The following ZNF69 variants were observed in gnomAD, a reference collection of about 807,000 sequenced individuals.
The protein encoded by ZNF69 is ZNF3.
ZNF69 carries 47 observed loss-of-function variants against 50.9 expected under a neutral mutation model. The observed-to-expected ratio is 0.92, with a 90% CI of 0.73 to 1.18. The LOEUF (loss-of-function observed/expected upper bound fraction) is 1.18. Ranked by LOEUF, ZNF69 falls within the 50% of genes most tolerant of loss-of-function variation. ZNF69 has a pLI of 0.00. For missense variants in ZNF69, 717 were observed against 675.1 expected (o/e 1.06, Z -0.69); for synonymous variants, 216 against 223.1 (o/e 0.97, Z 0.29).
At chr19:11,918,822 T>A (rs1288673273), downstream of ZNF69, among the ~76,000 whole-genome samples, 1 of 152,196 alleles carries the variant, frequency 6.6e-6, no homozygotes, top group Non-Finnish European at 1.5e-5. Flanking sequence ...TTTAAAATCT[T>A]TAACAACTGC....
chr19:11,925,173 G>C, the ZNF69 span: 1 of 1,609,376 alleles, frequency 6.2e-7, no homozygotes, highest in East Asian at 2.2e-5. Context: ...GGGACCTGGT[G>C]CCTGTACCCA....
chr19:11,928,514 C>T, the ZNF69 span, among the ~76,000 whole-genome samples: 2 of 151,392 alleles, frequency 1.3e-5, no homozygotes, highest in Non-Finnish European at 2.9e-5. Context: ...GGGCGGATCA[C>T]GAGGTCAGGA....
intron 1 of ZNF69, among the ~76,000 whole-genome samples, chr19:11,903,173 G>A (rs894810700): frequency 6.6e-6 from 1 of 151,960 alleles, no homozygotes; most frequent in Non-Finnish European, 1.5e-5. Context: ...GGTGGCTCAC[G>A]CCTGTAATCC....
At chr19:11,922,893 G>T in the ZNF69 span, among the ~76,000 whole-genome samples, 1 of 151,070 alleles carries the variant, frequency 6.6e-6, no homozygotes, top group Non-Finnish European at 1.5e-5. Context: ...GCTCACAGCA[G>T]CCTCAAACTT....
Position 11,900,135 on chromosome 19 carries a change from G to A in ZNF69, c.64-3438G>A, listed in dbSNP as rs536877952. 2.2e-3 allele frequency among the ~76,000 whole-genome samples: 341 copies of A among 152,038 alleles called. 3 individuals are homozygous for A. Among genetic ancestry groups the A allele is most frequent in the African/African-American group, 7.7e-3 (319 of 41,460 alleles). On this transcript the variant is annotated intron_variant, in intron 1 of 3. Transcript: ENST00000429654. ...TGCATGGCTGCTGTTCGTATTATTA[G>A]TAGAGACAGGGTTTCACCATGTTGT...
chr19:11,908,841 C>A (rs1332120836), downstream of ZNF69, among the ~76,000 whole-genome samples: 1 of 151,884 alleles, frequency 6.6e-6, no homozygotes, highest in Non-Finnish European at 1.5e-5. Flanking sequence ...CTGAAGGAGA[C>A]AGAGACAGAA....
the ZNF69 span, among the ~76,000 whole-genome samples, chr19:11,974,979 A>G: frequency 6.6e-6 from 1 of 152,212 alleles, no homozygotes; most frequent in African/African-American, 2.4e-5. Flanking sequence ...TTACATGTAC[A>G]GTTGAGATAG....
At chr19:11,959,314 A>G in the ZNF69 span, among the ~76,000 whole-genome samples, 2 of 152,242 alleles carry the variant, frequency 1.3e-5, no homozygotes, top group Admixed American at 1.3e-4. Flanking sequence ...ATGCCAAGTC[A>G]AAATAATAAC....
the ZNF69 span, among the ~76,000 whole-genome samples, chr19:11,957,467 G>A: frequency 6.6e-6 from 1 of 151,950 alleles, no homozygotes; most frequent in African/African-American, 2.4e-5. Flanking sequence ...AAAGAGTCTA[G>A]GTACTGAACT....
chr19:11,947,976 C>T, the ZNF69 span, among the ~76,000 whole-genome samples: 4 of 152,176 alleles, frequency 2.6e-5, no homozygotes, highest in African/African-American at 9.7e-5. Flanking sequence ...TATCACTGTA[C>T]TCCAGCATGG....
chr19:11,923,454 G>A, the ZNF69 span, among the ~76,000 whole-genome samples: 1 of 152,146 alleles, frequency 6.6e-6, no homozygotes, highest in Non-Finnish European at 1.5e-5. Flanking sequence ...TTCCTGTCCT[G>A]GGAGCCCCCA....
the ZNF69 span, among the ~76,000 whole-genome samples, chr19:11,963,706 C>G: frequency 2.0e-5 from 3 of 152,192 alleles, no homozygotes; most frequent in Admixed American, 2.0e-4. Flanking sequence ...AACCGCCCGA[C>G]TCTCTTCTCC....
At chr19:11,911,474 C>T (rs1002950348), downstream of ZNF69, among the ~76,000 whole-genome samples, 1 of 152,256 alleles carries the variant, frequency 6.6e-6, no homozygotes, top group African/African-American at 2.4e-5. Flanking sequence ...ACATATACAC[C>T]ATGGAATACT....
Position 11,905,204 on chromosome 19 carries a change from TCA to T in ZNF69, c.811_812del (p.Thr271TrpfsTer6). 1 of 1,614,104 alleles carries T rather than the reference TCA, an allele frequency of 6.2e-7. No homozygotes were observed. The highest frequency in any genetic ancestry group is 8.5e-7 in the Non-Finnish European group (1 of 1,180,028). On this transcript the variant is annotated frameshift_variant, in exon 4 of 4. Coordinates refer to ENST00000429654, the MANE Select transcript of ZNF69 (RefSeq NM_001364730.1). LOFTEE classifies it high-confidence loss of function. ...CTACCCTTCGAATACACGAAAGAAC[TCA>T]CACTGGAGAAAAGCCTTATGAATGT... is the stretch of plus-strand genomic sequence containing the variant. ...SATLRIHERT[H>X]TGEKPYECQQ...
the ZNF69 span, chr19:11,965,326 A>C: frequency 2.1e-6 from 3 of 1,452,362 alleles, no homozygotes; most frequent in East Asian, 7.2e-5. Flanking sequence ...TCTGGGACCG[A>C]GTCCTCCTGG....
the ZNF69 span, among the ~76,000 whole-genome samples, chr19:11,971,576 C>A: frequency 6.6e-6 from 1 of 152,098 alleles, no homozygotes; most frequent in Non-Finnish European, 1.5e-5. Context: ...TTATAAATTT[C>A]ATGGAATAAA....
Position 11,906,420 on chromosome 19 carries a change from T to C in ZNF69, c.*322T>C. On this transcript the variant is annotated 3_prime_UTR_variant, in exon 4 of 4. Coordinates refer to ENST00000429654, the MANE Select transcript of ZNF69 (RefSeq NM_001364730.1). ...TCCAAGTAGCCTAACTGGGAGGCAC[T>C]TCCCAGTAGGGGCCAACTGACACCT... The C allele has an allele frequency of 8.2e-6, 2 of 243,622 alleles. No individual in the cohort carries two copies. The highest frequency in any genetic ancestry group is 1.3e-5 in the Non-Finnish European group (2 of 151,934). The allele number at this position is 243,622 out of a possible 1,614,324, so 15.1% of individuals were successfully genotyped here. A position where few individuals can be genotyped will look rare whatever the true frequency, so the allele number is the denominator to read the frequency against.
chr19:11,929,309 A>G, the ZNF69 span, among the ~76,000 whole-genome samples: 1 of 148,014 alleles, frequency 6.8e-6, no homozygotes, highest in Non-Finnish European at 1.5e-5. Context: ...GATTACAGAC[A>G]TGTGCCACCA....
the ZNF69 span, among the ~76,000 whole-genome samples, chr19:11,920,877 C>T: frequency 6.6e-6 from 1 of 152,156 alleles, no homozygotes; most frequent in South Asian, 2.1e-4. Flanking sequence ...GTCATAATTA[C>T]AACCAAAATC....
Sources: allele counts gnomAD v4.1 joint callset (sites outside exome capture counted in the v4.1 genomes callset), GRCh38; gene constraint gnomAD v4.1.1; transcripts MANE v1.5; gene names NCBI Gene and HGNC (gene_info 2026-07-23, HGNC 2026-07-21).